Variants in TPRG1 observed in about 807,000 individuals in gnomAD.
TPRG1 encodes tumor protein p63-regulated gene 1 protein.
TPRG1 carries 29 observed loss-of-function variants against 29.3 expected under a neutral mutation model. The observed-to-expected ratio is 0.99, with a 90% CI of 0.74 to 1.35. TPRG1 has a LOEUF of 1.35. Ranked by LOEUF, TPRG1 falls within the 40% of genes most tolerant of loss-of-function variation. The probability of loss-of-function intolerance (pLI) is 0.00; values close to 1 mark genes in which losing one functional copy is unlikely to be tolerated. For missense variants in TPRG1, 327 were observed against 335.0 expected (o/e 0.98, Z 0.19); for synonymous variants, 130 against 116.8 (o/e 1.11, Z -0.73).
chr3:189,317,295 T>A (rs1285646727), intron 5 of TPRG1, among the ~76,000 whole-genome samples: 2 of 152,182 alleles, frequency 1.3e-5, no homozygotes, highest in Non-Finnish European at 2.9e-5. Context: ...TTGGTAATGA[T>A]GATGAGGATG....
At chr3:189,107,312 G>GT (rs1441363831) in intron 1 of TPRG1, among the ~76,000 whole-genome samples, 3 of 152,086 alleles carry the variant, frequency 2.0e-5, no homozygotes, top group African/African-American at 4.8e-5. Context: ...GCAGAAAACA[G>GT]TTTTTTGCAT....
intron 4 of TPRG1, among the ~76,000 whole-genome samples, chr3:189,054,675 G>A (rs1715543212): frequency 6.6e-6 from 1 of 151,874 alleles, no homozygotes; most frequent in Admixed American, 6.6e-5. Flanking sequence ...CCTAGCTACT[G>A]GGGAGGCTGA....
intron 3 of TPRG1, among the ~76,000 whole-genome samples, chr3:189,219,224 A>G (rs1034102979): frequency 5.3e-5 from 8 of 152,340 alleles, no homozygotes; most frequent in African/African-American, 1.9e-4. Context: ...GTGATTCTCT[A>G]AATTGATATG....
chr3:189,113,984 G>A (rs1720879431), intron 1 of TPRG1, among the ~76,000 whole-genome samples: 1 of 152,066 alleles, frequency 6.6e-6, no homozygotes, highest in Non-Finnish European at 1.5e-5. Context: ...GAGAATTTGT[G>A]TAGAATTGGT....
At chr3:189,225,206 C>T (rs1737549472) in intron 3 of TPRG1, among the ~76,000 whole-genome samples, 1 of 152,234 alleles carries the variant, frequency 6.6e-6, no homozygotes, top group Non-Finnish European at 1.5e-5. Context: ...GCTGGGATTA[C>T]AGGCGTGAGC....
At chr3:189,264,937 A>G (rs1212554068) in intron 4 of TPRG1, among the ~76,000 whole-genome samples, 1 of 152,246 alleles carries the variant, frequency 6.6e-6, no homozygotes, top group Non-Finnish European at 1.5e-5. Flanking sequence ...TCCAAGAAAA[A>G]TTGTAAACAG....
rs117946317 is a variant in TPRG1, at chr3:189,133,929, A to G, written c.-291+1232A>G. On this transcript the variant is annotated intron_variant, in intron 3 of 6. Coordinates refer to the TPRG1 transcript ENST00000412373. ...TGTGAGACTCTGAAGACTGTGGCCA[A>G]CTCAAGTTGACACAACAAAAGAAAG... 7.9e-4 allele frequency among the ~76,000 whole-genome samples: 120 copies of G among 152,320 alleles called. 1 individual carries two copies. In the East Asian group the frequency reaches 0.02, roughly 26 times the overall value.
chr3:189,099,140 C>T (rs1315685487), upstream of TPRG1, among the ~76,000 whole-genome samples: 1 of 152,152 alleles, frequency 6.6e-6, no homozygotes, highest in East Asian at 1.9e-4. Context: ...GCAGGGCGGC[C>T]GACACCACAC....
chr3:189,023,386 G>A (rs1713477457), intron 3 of TPRG1, among the ~76,000 whole-genome samples: 1 of 152,196 alleles, frequency 6.6e-6, no homozygotes, highest in Non-Finnish European at 1.5e-5. Flanking sequence ...TGTTTTTGCT[G>A]TCAGCTTCTG....
chr3:189,235,374 G>A (rs1035645990), intron 3 of TPRG1, among the ~76,000 whole-genome samples: 1 of 151,982 alleles, frequency 6.6e-6, no homozygotes, highest in African/African-American at 2.4e-5. Flanking sequence ...GATGATGAAA[G>A]ACTGAATTAG....
At chr3:189,084,678 C>T (rs1454550446) in intron 4 of TPRG1, among the ~76,000 whole-genome samples, 1 of 152,214 alleles carries the variant, frequency 6.6e-6, no homozygotes, top group African/African-American at 2.4e-5. Context: ...GAACTGCCAT[C>T]TCTCCTCCAC....
chr3:189,260,287 A>C (rs1244224349), intron 4 of TPRG1, among the ~76,000 whole-genome samples: 1 of 152,214 alleles, frequency 6.6e-6, no homozygotes, highest in East Asian at 1.9e-4. Context: ...AAGCATCTTT[A>C]ATAGTTTTGG....
intron 4 of TPRG1, among the ~76,000 whole-genome samples, chr3:189,280,444 C>T (rs145736321): frequency 9.2e-5 from 14 of 152,238 alleles, no homozygotes; most frequent in African/African-American, 2.9e-4. Context: ...GTTCATATAA[C>T]ATGTGTATTA....
chr3:189,222,415 A>G (rs1394029722), intron 3 of TPRG1, among the ~76,000 whole-genome samples: 1 of 152,210 alleles, frequency 6.6e-6, no homozygotes, highest in African/African-American at 2.4e-5. Flanking sequence ...TACTATGGAA[A>G]CTACCATTTC....
intron 4 of TPRG1, among the ~76,000 whole-genome samples, chr3:189,031,347 G>A (rs987341365): frequency 2.6e-5 from 4 of 151,684 alleles, no homozygotes; most frequent in Admixed American, 6.6e-5. Flanking sequence ...GTTGAAAAGC[G>A]AACAAGGCAA....
intron 2 of TPRG1, among the ~76,000 whole-genome samples, chr3:189,209,443 G>C (rs554276692): frequency 8.5e-5 from 13 of 152,162 alleles, no homozygotes; most frequent in Non-Finnish European, 1.3e-4. Flanking sequence ...AATTGACAGA[G>C]TCCAAATCCA....
intron 5 of TPRG1, among the ~76,000 whole-genome samples, chr3:189,318,015 T>C (rs897423980): frequency 2.0e-5 from 3 of 152,112 alleles, no homozygotes; most frequent in African/African-American, 7.2e-5. Context: ...TGAGGATAAT[T>C]CCAGGAAAAA....
At chr3:189,250,990 T>C (rs1742155861) in intron 4 of TPRG1, among the ~76,000 whole-genome samples, 1 of 152,104 alleles carries the variant, frequency 6.6e-6, no homozygotes, top group Non-Finnish European at 1.5e-5. Context: ...TCTGACTCTC[T>C]GTCCAGTGTT....
chr3:189,096,256 C>T (rs1718672399), upstream of TPRG1, among the ~76,000 whole-genome samples: 1 of 152,160 alleles, frequency 6.6e-6, no homozygotes, highest in Admixed American at 6.5e-5. Context: ...CTAGTGCCAC[C>T]CCATCACTAC....
Sources: allele counts gnomAD v4.1 joint callset (sites outside exome capture counted in the v4.1 genomes callset), GRCh38; gene constraint gnomAD v4.1.1; transcripts MANE v1.5; gene names NCBI Gene and HGNC (gene_info 2026-07-23, HGNC 2026-07-21).